Variants in NAALADL2 observed in about 807,000 individuals in gnomAD.
NAALADL2 encodes inactive N-acetylated-alpha-linked acidic dipeptidase-like protein 2.
A neutral mutation model predicts 87.2 loss-of-function variants in NAALADL2; 76 were observed. The ratio of observed to expected loss-of-function variants is 0.87; its 90% CI spans 0.72 to 1.05. NAALADL2 has a LOEUF of 1.05. NAALADL2 is among the 50% of genes least tolerant of loss of function. NAALADL2 has a pLI of 0.00. For synonymous variants in NAALADL2, 354 were observed against 331.0 expected (o/e 1.07, Z -0.75); for missense variants, 1,089 against 945.8 (o/e 1.15, Z -1.99).
intron 2 of NAALADL2, among the ~76,000 whole-genome samples, chr3:174,576,875 A>G (rs1379194316): frequency 1.3e-5 from 2 of 152,180 alleles, no homozygotes; most frequent in Admixed American, 1.3e-4. Flanking sequence ...AATGTGATAG[A>G]GTAAAATATA....
In NAALADL2 at chr3:175,754,547, C is replaced by T. The variant is rs146409676; in HGVS notation, c.1991-673C>T. Among the ~76,000 whole-genome samples, 8 of 152,284 alleles carry T rather than the reference C, an allele frequency of 5.3e-5. No homozygotes were observed. In the East Asian group the frequency reaches 1.5e-3, roughly 29 times the overall value. The stretch of plus-strand genomic sequence containing the variant: ...TTAGGTCAAAGATATATATCAACTT[C>T]ACATTACAGGACATTTCTAGTAAAG... On this transcript the variant is annotated intron_variant, in intron 12 of 13. Coordinates refer to ENST00000454872, the MANE Select transcript of NAALADL2 (RefSeq NM_207015.3).
chr3:175,126,259 G>GA (rs1371704294), intron 2 of NAALADL2, among the ~76,000 whole-genome samples: 6 of 151,994 alleles, frequency 3.9e-5, no homozygotes, highest in African/African-American at 1.4e-4. Flanking sequence ...ATTGACTTAG[G>GA]AAAAAAAGCA....
intron 1 of NAALADL2, among the ~76,000 whole-genome samples, chr3:175,067,423 A>C (rs1714726567): frequency 6.6e-6 from 1 of 152,240 alleles, no homozygotes; most frequent in South Asian, 2.1e-4. Context: ...AGACATTAAA[A>C]GGTGGGCAAA....
intron 11 of NAALADL2, among the ~76,000 whole-genome samples, chr3:175,724,894 G>A (rs1443062206): frequency 1.3e-5 from 2 of 151,380 alleles, no homozygotes; most frequent in Non-Finnish European, 2.9e-5. Context: ...TTTTCAACTG[G>A]CACATATAAA....
intron 4 of NAALADL2, among the ~76,000 whole-genome samples, chr3:175,274,858 T>A (rs1581222344): frequency 6.6e-6 from 1 of 152,328 alleles, no homozygotes; most frequent in African/African-American, 2.4e-5. Context: ...ATTTTCATTT[T>A]ATTGACATAG....
chr3:175,361,209 T>C (rs1447966885), intron 5 of NAALADL2, among the ~76,000 whole-genome samples: 1 of 152,062 alleles, frequency 6.6e-6, no homozygotes, highest in East Asian at 1.9e-4. Flanking sequence ...ATCCTTTTTA[T>C]GGCTGCATAG....
At chr3:174,990,338 T>G (rs1197444464) in intron 1 of NAALADL2, among the ~76,000 whole-genome samples, 1 of 152,114 alleles carries the variant, frequency 6.6e-6, no homozygotes, top group Non-Finnish European at 1.5e-5. Context: ...ATTTTATCAG[T>G]CTCTTACACA....
chr3:174,707,658 A>AG (rs1730225907), intron 2 of NAALADL2, among the ~76,000 whole-genome samples: 1 of 70,452 alleles, frequency 1.4e-5, no homozygotes, highest in Non-Finnish European at 2.7e-5. Flanking sequence ...GGGTGGGGGG[A>AG]GGGGGAGGTA....
intron 2 of NAALADL2, among the ~76,000 whole-genome samples, chr3:175,219,864 C>CTTTTTTTTTTTTT (rs1320578074): frequency 8.4e-6 from 1 of 118,712 alleles, no homozygotes; most frequent in African/African-American, 3.6e-5. Context: ...TTGTGGTTTT[C>CTTTTTTTTTTTTT]TTTCTTTTTT....
chr3:174,952,826 C>G (rs563809017), intron 1 of NAALADL2, among the ~76,000 whole-genome samples: 1 of 152,194 alleles, frequency 6.6e-6, no homozygotes, highest in African/African-American at 2.4e-5. Context: ...AACCATATGT[C>G]ACTGATTGCT....
At chr3:174,961,758 C>A (rs2108559108) in intron 1 of NAALADL2, among the ~76,000 whole-genome samples, 1 of 152,112 alleles carries the variant, frequency 6.6e-6, no homozygotes, top group East Asian at 1.9e-4. Context: ...ATAATTACAT[C>A]CTGACTCTAT....
chr3:174,738,559 C>T (rs1441412325), intron 3 of NAALADL2, among the ~76,000 whole-genome samples: 1 of 151,970 alleles, frequency 6.6e-6, no homozygotes, highest in Non-Finnish European at 1.5e-5. Flanking sequence ...GACTGTGCCT[C>T]TTATGAAGCC....
intron 13 of NAALADL2, among the ~76,000 whole-genome samples, chr3:175,787,063 G>A (rs1752094669): frequency 6.6e-6 from 1 of 152,062 alleles, no homozygotes; most frequent in Non-Finnish European, 1.5e-5. Flanking sequence ...GAGGCAGTCT[G>A]CCTGTTCTCA....
chr3:174,491,099 A>C (rs1718163919), intron 1 of NAALADL2, among the ~76,000 whole-genome samples: 1 of 152,132 alleles, frequency 6.6e-6, no homozygotes. Flanking sequence ...TCAAGAAATT[A>C]CTTAAATGGA....
intron 1 of NAALADL2, among the ~76,000 whole-genome samples, chr3:174,875,289 T>C (rs926281036): frequency 2.6e-5 from 4 of 152,106 alleles, no homozygotes; most frequent in African/African-American, 9.7e-5. Context: ...TTGCATTATT[T>C]ATTTATTTTC....
chr3:174,589,362 T>C (rs1717106837), intron 2 of NAALADL2, among the ~76,000 whole-genome samples: 1 of 152,142 alleles, frequency 6.6e-6, no homozygotes, highest in African/African-American at 2.4e-5. Flanking sequence ...CAGCTCACGC[T>C]CTGTGGGCTG....
At chr3:174,485,847 C>T (rs573130652) in intron 1 of NAALADL2, among the ~76,000 whole-genome samples, 287 of 152,006 alleles carry the variant, frequency 1.9e-3, no homozygotes, top group Admixed American at 3.0e-3. Flanking sequence ...AGGTCGTCTT[C>T]CAGGGTTTTA....
rs753769567 is a variant in NAALADL2 at position 174,778,458 on chromosome 3, T to TAAATACTAAC, written c.-9+40712_-9+40713insAAATACTAAC. Among the ~76,000 whole-genome samples the TAAATACTAAC allele has an allele frequency of 1.6e-3, 250 of 151,808 alleles. 2 individuals carry two copies. The highest frequency in any genetic ancestry group is 5.9e-3 in the African/African-American group (243 of 41,442). On this transcript the variant is annotated intron_variant, in intron 3 of 3. Transcript: ENST00000434257. Reference sequence around the variant, plus strand: ...TTTACTAGGGCTACTCTGCACCAGGTTTGGGTTAGGATGTTATTTATTTAT... The same window carrying TAAATACTAAC: ...TTTACTAGGGCTACTCTGCACCAGGTAAATACTAACTTGGGTTAGGATGTTATTTATTTAT...
intron 13 of NAALADL2, among the ~76,000 whole-genome samples, chr3:175,760,311 G>A (rs953754458): frequency 6.6e-6 from 1 of 152,144 alleles, no homozygotes; most frequent in African/African-American, 2.4e-5. Flanking sequence ...TATGGATAAA[G>A]ATAATTTCTA....
Sources: gnomAD v4.1 joint callset for allele counts (sites outside exome capture counted in the v4.1 genomes callset) on GRCh38, gnomAD v4.1.1 for gene constraint, MANE v1.5 for transcripts, NCBI Gene and HGNC (gene_info 2026-07-23, HGNC 2026-07-21) for gene names.